The following TTYH2 variants were observed in gnomAD, a reference collection of about 807,000 sequenced individuals.
The protein encoded by TTYH2 is tweety family member 2, also known as protein tweety homolog 2.
A neutral mutation model predicts 68.3 loss-of-function variants in TTYH2; 49 were observed. That is an observed-to-expected ratio of 0.72 (90% CI 0.57 to 0.91). The LOEUF (loss-of-function observed/expected upper bound fraction) is 0.91. Ranked by LOEUF, TTYH2 falls within the 40% of genes least tolerant of loss-of-function variation. The probability of loss-of-function intolerance (pLI) is 0.00; values close to 1 mark genes in which losing one functional copy is unlikely to be tolerated. For synonymous variants in TTYH2, 272 were observed against 300.8 expected, an observed-to-expected ratio of 0.90 and a Z score of 0.99; for missense variants, 631 against 700.4, an observed-to-expected ratio of 0.90 and a Z score of 1.12.
intron 13 of TTYH2, among the ~76,000 whole-genome samples, chr17:74,255,205 A>G (rs1453796087): frequency 1.3e-5 from 2 of 152,264 alleles, no homozygotes; most frequent in African/African-American, 2.4e-5. Flanking sequence ...CTCATGGCTT[A>G]TGGCCTCTGT....
chr17:74,248,435 G>A, intron 6 of TTYH2: 2 of 987,230 alleles, frequency 2.0e-6, no homozygotes, highest in Non-Finnish European at 2.4e-6. Flanking sequence ...TCAGCTCCAT[G>A]CCCTTCCCAC....
chr17:74,221,704 C>T (rs1043134622), intron 1 of TTYH2, among the ~76,000 whole-genome samples: 6 of 152,164 alleles, frequency 3.9e-5, no homozygotes, highest in Admixed American at 6.5e-5. Context: ...TGCAGGGCCC[C>T]GAGGTGCTAG....
chr17:74,260,320 C>T lies in TTYH2; in HGVS notation c.*111C>T. 1 of 1,115,898 alleles carries T rather than the reference C, an allele frequency of 9.0e-7. No individual in the cohort carries two copies. Among genetic ancestry groups the T allele is most frequent in the Admixed American group, 1.9e-5 (1 of 54,050 alleles). The allele number at this position is 1,115,898 out of a possible 1,614,324, so 69.1% of individuals were successfully genotyped here. ...AAGGCATCTGGAGCCCGAGAGGCCT[C>T]CTGCTGTGGCAGAGGAGCAGCTGGG... On this transcript the variant is annotated 3_prime_UTR_variant, in exon 14 of 14. Coordinates refer to ENST00000269346, the MANE Select transcript of TTYH2 (RefSeq NM_032646.6).
chr17:74,251,305 G>A (rs1164255466), intron 10 of TTYH2, among the ~76,000 whole-genome samples: 1 of 150,124 alleles, frequency 6.7e-6, no homozygotes, highest in East Asian at 2.0e-4. Context: ...GTGTGTGCAT[G>A]TGTGTTGTGT....
chr17:74,215,829 T>A lies in TTYH2; in HGVS notation c.129+2113T>A. 9.6e-7 allele frequency: 1 copy of A among 1,038,968 alleles called. No individual in the cohort carries two copies. Among genetic ancestry groups the A allele is most frequent in the Non-Finnish European group, 1.4e-6 (1 of 703,030 alleles). The allele number at this position is 1,038,968 out of a possible 1,614,324, so 64.4% of individuals were successfully genotyped here. On this transcript the variant is annotated intron_variant, in intron 1 of 13. Transcript: ENST00000269346. The surrounding 1 kb of genome is among the most constrained non-coding windows in gnomAD (Gnocchi z 4.3). ...CATCCCAGTCTTCAGCAAGCTTGAC[T>A]GGAGCAAGTGCTATGCCAGGCGTGG...
chr17:74,237,110 G>A (rs961754104), intron 3 of TTYH2, among the ~76,000 whole-genome samples, 184 bp from the exon 4 acceptor site: 5 of 152,044 alleles, frequency 3.3e-5, no homozygotes, highest in African/African-American at 1.2e-4. Flanking sequence ...GTGTTGCCCA[G>A]GCTGGTCTCA....
At chr17:74,248,358 T>A (rs2050582625) in intron 6 of TTYH2, 1 of 986,412 alleles carries the variant, frequency 1.0e-6, no homozygotes, top group Non-Finnish European at 1.2e-6. Context: ...CGCATGGGCC[T>A]TAGCAATCAC....
rs111689400 is a variant in TTYH2 at position 74,232,735 on chromosome 17, C to T, written c.414+1736C>T. Reference sequence around the variant, plus strand: ...AACCTAGCCCCGAGAGGAAAATCCCCTGCCCTGCCCAGGAAGGCACCAGGG... The same window carrying T: ...AACCTAGCCCCGAGAGGAAAATCCCTTGCCCTGCCCAGGAAGGCACCAGGG... On this transcript the variant is annotated intron_variant, in intron 3 of 13. Transcript: ENST00000269346. This position sits in a 1 kb window ranked among gnomAD's most constrained non-coding sequence, Gnocchi z 5.1. Among the ~76,000 whole-genome samples the T allele has an allele frequency of 5.2e-4, 79 of 152,342 alleles. No individual in the cohort carries two copies. Among genetic ancestry groups the T allele is most frequent in the African/African-American group, 1.8e-3 (76 of 41,580 alleles).
At chr17:74,227,985 T>C (rs1332835356) in intron 2 of TTYH2, among the ~76,000 whole-genome samples, 2 of 137,482 alleles carry the variant, frequency 1.5e-5, no homozygotes, top group Non-Finnish European at 3.1e-5. Flanking sequence ...TTTTCTTTCT[T>C]TTTTTTTTTT....
At chr17:74,247,572 G>A (rs1567818843) in intron 6 of TTYH2, among the ~76,000 whole-genome samples, 2 of 152,310 alleles carry the variant, frequency 1.3e-5, no homozygotes, top group South Asian at 4.1e-4. Flanking sequence ...CCTTGGACTG[G>A]AGCCTCCTGT....
In TTYH2 at chr17:74,239,074, C is replaced by T. The variant is rs1401069307; in HGVS notation, c.635+1560C>T. On this transcript the variant is annotated intron_variant, in intron 4 of 13. Transcript: ENST00000269346. This position sits in a 1 kb window ranked among gnomAD's most constrained non-coding sequence, Gnocchi z 5.3. The stretch of plus-strand genomic sequence containing the variant: ...GGGGCACCACCCTCACTTAGGTGTA[C>T]AAACTCATGCCCGTGTCATCTGACC... 6.6e-6 allele frequency among the ~76,000 whole-genome samples: 1 copy of T among 151,726 alleles called. No individual in the cohort carries two copies. Among genetic ancestry groups the T allele is most frequent in the Non-Finnish European group, 1.5e-5 (1 of 68,030 alleles).
rs775873661 is a variant in TTYH2, at chr17:74,217,432, C to T, written c.129+3716C>T. On this transcript the variant is annotated intron_variant, in intron 1 of 13. Transcript: ENST00000269346. The surrounding 1 kb of genome is among the most constrained non-coding windows in gnomAD (Gnocchi z 4.0). ...GAGGGTACACAGTTGGGGACTGGAC[C>T]GGAACTACAGGACTTCCTGCTTCTG... 3.9e-5 allele frequency among the ~76,000 whole-genome samples: 6 copies of T among 152,140 alleles called. No homozygotes were observed. Among genetic ancestry groups the T allele is most frequent in the Non-Finnish European group, 7.4e-5 (5 of 68,016 alleles).
chr17:74,258,266 G>A (rs2050712801), intron 13 of TTYH2, among the ~76,000 whole-genome samples: 1 of 152,050 alleles, frequency 6.6e-6, no homozygotes, highest in African/African-American at 2.4e-5. Flanking sequence ...CTGGAGATGT[G>A]CCTTTTTTGT....
Position 74,253,237 on chromosome 17 carries a change from C to T in TTYH2, c.1416C>T (p.Thr472=). ...SQTSLQPPAQ[T]ISNAPVSEYM... ...CCAGCCTGCAGCCCCCGGCCCAGACCATCTCCAACGCCCCTGTCTCCGAGT... is the reference window on the plus strand; with the variant it reads ...CCAGCCTGCAGCCCCCGGCCCAGACTATCTCCAACGCCCCTGTCTCCGAGT... The change falls in exon 12 of 14, where the codon ACC becomes ACT. Residue 472 remains threonine, a synonymous_variant. Coordinates refer to ENST00000269346, the MANE Select transcript of TTYH2 (RefSeq NM_032646.6). 4 of 1,607,726 alleles carry T rather than the reference C, an allele frequency of 2.5e-6. No individual in the cohort carries two copies. Among genetic ancestry groups the T allele is most frequent in the Non-Finnish European group, 3.4e-6 (4 of 1,177,722 alleles).
chr17:74,250,020 A>G lies in TTYH2; in HGVS notation c.1015A>G (p.Thr339Ala), dbSNP rs1333496971. The change falls in exon 9 of 14, where the codon ACT (threonine) becomes GCT (alanine). Residue 339 changes from threonine to alanine, a missense_variant. Coordinates refer to ENST00000269346, the MANE Select transcript of TTYH2 (RefSeq NM_032646.6). ...GCAGTTTGCCGTGCCCCTCTTCTCC[A>G]CTGCAGAGGTAAGGCAGCTGTGCAG... ...LLQFAVPLFS[T>A]AEEDLLAIQL... 6.2e-7 allele frequency: 1 copy of G among 1,613,896 alleles called. No individual in the cohort carries two copies. The highest frequency in any genetic ancestry group is 8.5e-7 in the Non-Finnish European group (1 of 1,179,914).
Position 74,250,376 on chromosome 17 carries a change from G to T in TTYH2, c.1116+19G>T. On this transcript the variant is annotated intron_variant, in intron 10 of 13. Coordinates refer to ENST00000269346, the MANE Select transcript of TTYH2 (RefSeq NM_032646.6). ...GCACAAGGTGCATGGGGACCCTGGG[G>T]TCACGTGGAGAGTGTGAGGGCACCC... 4.4e-6 allele frequency: 7 copies of T among 1,606,512 alleles called. No homozygotes were observed. The highest frequency in any genetic ancestry group is 6.0e-6 in the Non-Finnish European group (7 of 1,174,860).
chr17:74,218,169 G>A (rs1376648968), intron 1 of TTYH2, among the ~76,000 whole-genome samples: 4 of 140,990 alleles, frequency 2.8e-5, no homozygotes, highest in African/African-American at 1.0e-4. Flanking sequence ...AGAGGGTGCT[G>A]CTGGTTAGGG....
Position 74,259,505 on chromosome 17 carries a change from A to T in TTYH2, c.1525-624A>T, listed in dbSNP as rs1452446463. Among the ~76,000 whole-genome samples, 3 of 152,120 alleles carry T rather than the reference A, an allele frequency of 2.0e-5. No homozygotes were observed. The East Asian group carries it at 5.8e-4, about 29-fold the overall frequency. On this transcript the variant is annotated intron_variant, in intron 13 of 13. Coordinates refer to ENST00000269346, the MANE Select transcript of TTYH2 (RefSeq NM_032646.6). ...GCTGGGATTACAGGTATGAATCACC[A>T]CCGTTATGTGCATTTTGCATCAACA...
At chr17:74,218,968 G>A (rs563057993) in intron 1 of TTYH2, among the ~76,000 whole-genome samples, 208 of 152,264 alleles carry the variant, frequency 1.4e-3, no homozygotes, top group African/African-American at 4.8e-3. Context: ...CGTGGCTCAC[G>A]CCCGTAATCC....
Sources: allele counts gnomAD v4.1 joint callset (sites outside exome capture counted in the v4.1 genomes callset), GRCh38; gene constraint gnomAD v4.1.1; non-coding constraint Gnocchi (gnomAD v3.1); transcripts MANE v1.5; gene names NCBI Gene and HGNC (gene_info 2026-07-23, HGNC 2026-07-21).